The following APAF1 variants were observed in gnomAD, a reference collection of about 807,000 sequenced individuals.
APAF1 encodes apoptotic protease-activating factor 1.
Under a neutral mutation model 152.4 loss-of-function variants are expected in APAF1, and 91 were observed. The observed-to-expected ratio is 0.60, with a 90% CI of 0.50 to 0.71. The LOEUF is 0.71. APAF1 is among the 30% of genes least tolerant of loss of function. The probability of loss-of-function intolerance (pLI) is 0.00; values close to 1 mark genes in which losing one functional copy is unlikely to be tolerated. For missense variants in APAF1, 1,283 were observed against 1,472.0 expected (o/e 0.87, Z 2.10); for synonymous variants, 484 against 494.1 (o/e 0.98, Z 0.27).
At chr12:98,649,115 T>C in intron 3 of APAF1, 1 of 628,910 alleles carries the variant, frequency 1.6e-6, no homozygotes. Flanking sequence ...TTATAGAGTT[T>C]ATAGGAAAAA....
In APAF1 at chr12:98,649,680, A is replaced by G; in HGVS notation, c.522A>G (p.Leu174=). Residue 174 remains leucine, a synonymous_variant, in exon 4 of 27, where the codon TTA becomes TTG. Transcript: ENST00000551964. Reference sequence around the variant, plus strand: ...AAGCTGTTAGAGATCATTCCCTTTTAGAAGGTAAGTGTCTTAGTCCATTTC... The same window carrying G: ...AAGCTGTTAGAGATCATTCCCTTTTGGAAGGTAAGTGTCTTAGTCCATTTC... ...AAEAVRDHSL[L]EGCFPGGVHW... is the part of the protein sequence containing the mutation. 3.7e-6 allele frequency: 6 copies of G among 1,613,824 alleles called. No individual in the cohort carries two copies. Among genetic ancestry groups the G allele is most frequent in the Non-Finnish European group, 5.1e-6 (6 of 1,179,786 alleles).
chr12:98,730,757 A>G (rs1460736723), intron 26 of APAF1, among the ~76,000 whole-genome samples: 1 of 152,250 alleles, frequency 6.6e-6, no homozygotes, highest in Non-Finnish European at 1.5e-5. Flanking sequence ...TGTAGTGTCC[A>G]AGAAAATAGG....
intron 26 of APAF1, among the ~76,000 whole-genome samples, chr12:98,730,690 T>G (rs577021602): frequency 6.6e-6 from 1 of 152,310 alleles, no homozygotes; most frequent in African/African-American, 2.4e-5. Flanking sequence ...CTACCCAGCA[T>G]GTTAATGAGA....
intron 21 of APAF1, among the ~76,000 whole-genome samples, 196 bp from the exon 22 acceptor site, chr12:98,715,231 T>G (rs978713707): frequency 1.1e-5 from 1 of 93,870 alleles, no homozygotes; most frequent in African/African-American, 4.3e-5. Context: ...GCATACATGG[T>G]GTGCATATAT....
At chr12:98,715,235 CATAT>C (rs61430351) in intron 21 of APAF1, among the ~76,000 whole-genome samples, 188 bp from the exon 22 acceptor site, 3,490 of 53,830 alleles carry the variant, frequency 0.065, 106 homozygotes, top group Non-Finnish European at 0.074. Context: ...ACATGGTGTG[CATAT>C]ATATATATAT....
intron 16 of APAF1, among the ~76,000 whole-genome samples, chr12:98,694,077 G>A (rs1331035518): frequency 6.6e-6 from 1 of 152,136 alleles, no homozygotes; most frequent in East Asian, 1.9e-4. Flanking sequence ...CTAGCCATAT[G>A]CAGAAGAATG....
At chr12:98,721,135 T>C (rs2153342836) in intron 22 of APAF1, among the ~76,000 whole-genome samples, 1 of 152,296 alleles carries the variant, frequency 6.6e-6, no homozygotes, top group East Asian at 1.9e-4. Context: ...TTTAGTGATA[T>C]TAAGGTTATT....
At chr12:98,665,210 T>C (rs917305206) in intron 7 of APAF1, among the ~76,000 whole-genome samples, 1 of 148,848 alleles carries the variant, frequency 6.7e-6, no homozygotes, top group African/African-American at 2.5e-5. Flanking sequence ...TTCTAATTTT[T>C]ATTTTTAGTA....
chr12:98,653,691 AAT>A (rs1346621120), intron 4 of APAF1, among the ~76,000 whole-genome samples: 1,199 of 15,102 alleles, frequency 0.079, 48 homozygotes, highest in East Asian at 0.14. Context: ...AAAAAAAAAA[AAT>A]ATATATATAT....
intron 4 of APAF1, among the ~76,000 whole-genome samples, chr12:98,655,908 C>T (rs965214068): frequency 2.0e-5 from 3 of 151,986 alleles, no homozygotes; most frequent in Admixed American, 1.3e-4. Flanking sequence ...CCCAGCCTCC[C>T]GAGTAGCTGG....
intron 4 of APAF1, among the ~76,000 whole-genome samples, chr12:98,651,750 T>G (rs956530110): frequency 4.1e-4 from 62 of 152,128 alleles, no homozygotes; most frequent in African/African-American, 1.5e-3. Context: ...GCCTCAAACT[T>G]TTAGGCTCAA....
At chr12:98,647,763 A>G (rs1370683489) in intron 1 of APAF1, among the ~76,000 whole-genome samples, 1 of 147,308 alleles carries the variant, frequency 6.8e-6, no homozygotes, top group Middle Eastern at 3.6e-3. Flanking sequence ...ATGTCAATAC[A>G]TGGAGATATG....
chr12:98,664,659 G>C (rs2153316454), intron 7 of APAF1, among the ~76,000 whole-genome samples: 1 of 152,064 alleles, frequency 6.6e-6, no homozygotes, highest in Admixed American at 6.6e-5. Context: ...CCAGCCTCCT[G>C]AATAGCTGGG....
At chr12:98,701,140 AT>A (rs2097715023) in intron 17 of APAF1, among the ~76,000 whole-genome samples, 1 of 152,214 alleles carries the variant, frequency 6.6e-6, no homozygotes, top group Non-Finnish European at 1.5e-5. Context: ...TCTGTCAAGT[AT>A]ATATTTATGT....
intron 1 of APAF1, among the ~76,000 whole-genome samples, chr12:98,646,296 G>A (rs1002885896): frequency 4.6e-5 from 7 of 152,048 alleles, no homozygotes; most frequent in African/African-American, 1.2e-4. Context: ...TGTTTAAGAG[G>A]ACAAAAACGT....
chr12:98,683,247 C>T lies in APAF1; in HGVS notation c.2151C>T (p.Ala717=), dbSNP rs1233702417. The T allele has an allele frequency of 1.9e-6, 3 of 1,613,918 alleles. No homozygotes were observed. The highest frequency in any genetic ancestry group is 1.3e-5 in the African/African-American group (1 of 75,010). The change falls in exon 15 of 27, where the codon GCC becomes GCT. Residue 717 remains alanine (A), a synonymous_variant. Transcript: ENST00000551964. ...ACAGTAGTCATCATCTTCTCTTAGC[C>T]ACTGGGTCAAGTGACTGCTTCCTCA... ...FTNSSHHLLL[A]TGSSDCFLKL...
rs941566374 is a variant in APAF1, at chr12:98,649,233, ATAAT to A, written c.329-252_329-249del. The A allele has an allele frequency of 7.1e-6, 7 of 983,814 alleles. No homozygotes were observed. In the African/African-American group the frequency reaches 1.2e-4, roughly 17 times the overall value. The allele number at this position is 983,814 out of a possible 1,614,324, so 60.9% of individuals were successfully genotyped here. A position where few individuals can be genotyped will look rare whatever the true frequency, so the allele number is the denominator to read the frequency against. On this transcript the variant is annotated intron_variant, in intron 3 of 26. Transcript: ENST00000551964. Reference sequence around the variant, plus strand: ...ATGAGAGGGAATGAAAAGTCAGGAAATAATTGGGTGAGTAAAGCAGATATAGATA... The same window carrying A: ...ATGAGAGGGAATGAAAAGTCAGGAAATGGGTGAGTAAAGCAGATATAGATA...
In APAF1 at chr12:98,732,146, C is replaced by A. The variant is rs528014107; in HGVS notation, c.3601-274C>A. Among the ~76,000 whole-genome samples the A allele has an allele frequency of 9.9e-5, 15 of 152,224 alleles. No individual in the cohort carries two copies. In the South Asian group the frequency reaches 3.1e-3, roughly 32 times the overall value. On this transcript the variant is annotated intron_variant, in intron 26 of 26. Coordinates refer to ENST00000551964, the MANE Select transcript of APAF1 (RefSeq NM_181861.2). Reference sequence around the variant, plus strand: ...ACTGCTGTAATGGACTCTATAGCTTCCTGTCTGCAGCTCTCAAGCAGGCTG... The same window carrying A: ...ACTGCTGTAATGGACTCTATAGCTTACTGTCTGCAGCTCTCAAGCAGGCTG...
In APAF1 at chr12:98,733,812, C is replaced by T. The variant is rs964898658; in HGVS notation, c.*1246C>T. The T allele has an allele frequency of 1.3e-5, 2 of 152,186 alleles. No homozygotes were observed. Among genetic ancestry groups the T allele is most frequent in the African/African-American group, 4.8e-5 (2 of 41,440 alleles). The allele number at this position is 152,186 out of a possible 1,614,324, so 9.4% of individuals were successfully genotyped here. Reference sequence around the variant, plus strand: ...TTGGTCTACCCTTTTCTCACTGTAGCTGCTGGCAGCCCTGTGCCATATCTG... The same window carrying T: ...TTGGTCTACCCTTTTCTCACTGTAGTTGCTGGCAGCCCTGTGCCATATCTG... On this transcript the variant is annotated 3_prime_UTR_variant, in exon 27 of 27. Transcript: ENST00000551964.
Sources: gnomAD v4.1 joint callset for allele counts (sites outside exome capture counted in the v4.1 genomes callset) on GRCh38, gnomAD v4.1.1 for gene constraint, MANE v1.5 for transcripts, NCBI Gene and HGNC (gene_info 2026-07-23, HGNC 2026-07-21) for gene names.